Variants in OPN3 observed in about 807,000 individuals in gnomAD.
OPN3 encodes the protein opsin-3.
Under a neutral mutation model 33.8 loss-of-function variants are expected in OPN3, and 29 were observed. The ratio of observed to expected loss-of-function variants is 0.86; its 90% CI spans 0.64 to 1.17. OPN3 has a LOEUF of 1.17. Ranked by LOEUF, OPN3 falls within the 50% of genes most tolerant of loss-of-function variation. The probability of loss-of-function intolerance (pLI) is 0.00; values close to 1 mark genes in which losing one functional copy is unlikely to be tolerated. For synonymous variants in OPN3, 216 were observed against 216.1 expected, an observed-to-expected ratio of 1.00 and a Z score of 0.00; for missense variants, 437 against 514.1, an observed-to-expected ratio of 0.85 and a Z score of 1.45.
Position 241,608,658 on chromosome 1 carries a change from G to A in OPN3, c.374-4079C>T, listed in dbSNP as rs575957045. On this transcript the variant is annotated intron_variant, in intron 1 of 3. Transcript: ENST00000366554. The stretch of plus-strand genomic sequence containing the variant: ...TGATAAGTCAGGGTGCAAGAGGTTA[G>A]TAACACTTTCCTTCTGGTTATTTTG... Among the ~76,000 whole-genome samples the A allele has an allele frequency of 2.0e-5, 3 of 152,364 alleles. 1 individual carries two copies. The highest frequency in any genetic ancestry group is 7.2e-5 in the African/African-American group (3 of 41,590).
In OPN3 at chr1:241,634,560, G is replaced by A. The variant is rs762564140; in HGVS notation, c.373+5322C>T. 1.9e-5 allele frequency: 31 copies of A among 1,613,586 alleles called. No individual in the cohort carries two copies. The highest frequency in any genetic ancestry group is 4.0e-5 in the African/African-American group (3 of 74,838). ...ACTACAAAGCATTGTACTTTATGAC[G>A]AAGACAATAGATTCCACCAAAAACT... On this transcript the variant is annotated intron_variant, in intron 1 of 3. Transcript: ENST00000366554.
intron 1 of OPN3, chr1:241,631,251 C>T (rs768602812): frequency 8.6e-5 from 13 of 152,032 alleles, no homozygotes; most frequent in South Asian, 4.1e-4. Flanking sequence ...CCTTTATTTT[C>T]GACTAATTTT....
chr1:241,597,666 A>G (rs1663562423), intron 3 of OPN3, 80 bp downstream of exon 3: 3 of 1,370,150 alleles, frequency 2.2e-6, no homozygotes, highest in Middle Eastern at 2.1e-4. Flanking sequence ...GCGACTCTGA[A>G]TCACCTCTGT....
intron 3 of OPN3, among the ~76,000 whole-genome samples, chr1:241,597,204 G>C (rs1257993237): frequency 6.6e-6 from 1 of 152,102 alleles, no homozygotes; most frequent in Non-Finnish European, 1.5e-5. Context: ...CAGGCCAATT[G>C]CTACAAGTAT....
At position 241,604,183 on chromosome 1, in the gene OPN3, A is replaced by T; in HGVS notation, c.693+77T>A. On this transcript the variant is annotated intron_variant, in intron 2 of 3. Transcript: ENST00000366554. ...GGGCAACTACTGATGACATAGGAAG[A>T]CTTTCATTATTTTCCAGACAAAATT... 3.0e-6 allele frequency: 4 copies of T among 1,331,756 alleles called. No homozygotes were observed. The South Asian group carries it at 5.3e-5, about 18-fold the overall frequency. 82.5% of individuals were successfully genotyped at this position (1,331,756 alleles called of 1,614,324 possible). A position where few individuals can be genotyped will look rare whatever the true frequency, so the allele number is the denominator to read the frequency against.
At chr1:241,619,054 T>C (rs1664208410) in intron 1 of OPN3, among the ~76,000 whole-genome samples, 1 of 152,176 alleles carries the variant, frequency 6.6e-6, no homozygotes. Context: ...TTCAGTGCTA[T>C]GGTGCCTTTT....
Position 241,634,355 on chromosome 1 carries a change from T to A in OPN3, c.373+5527A>T, listed in dbSNP as rs1475840625. The A allele has an allele frequency of 3.7e-6, 6 of 1,613,894 alleles. No homozygotes were observed. In the Admixed American group the frequency reaches 1.0e-4, roughly 27 times the overall value. On this transcript the variant is annotated intron_variant, in intron 1 of 3. Transcript: ENST00000366554. The stretch of plus-strand genomic sequence containing the variant: ...AACTATCAGAATGGAAGTCTGCTGA[T>A]CTAAATCTGTCTTTAGTATAGACTG...
intron 1 of OPN3, among the ~76,000 whole-genome samples, chr1:241,619,969 T>C (rs766950998): frequency 6.6e-6 from 1 of 151,950 alleles, no homozygotes; most frequent in Non-Finnish European, 1.5e-5. Context: ...GAAAACGCAA[T>C]ATGAAAGAAC....
At chr1:241,613,557 TATC>T (rs1664050461) in intron 1 of OPN3, among the ~76,000 whole-genome samples, 1 of 152,214 alleles carries the variant, frequency 6.6e-6, no homozygotes, top group Non-Finnish European at 1.5e-5. Context: ...CTAACTTTGA[TATC>T]AGAAGAAGTC....
intron 2 of OPN3, among the ~76,000 whole-genome samples, chr1:241,603,747 G>A (rs973981696): frequency 3.9e-5 from 6 of 152,212 alleles, no homozygotes; most frequent in African/African-American, 1.2e-4. Flanking sequence ...GCCAAAGCTA[G>A]AGACTGGGAA....
chr1:241,596,048 C>T (rs1663499612), intron 3 of OPN3, among the ~76,000 whole-genome samples: 1 of 152,212 alleles, frequency 6.6e-6, no homozygotes, highest in East Asian at 1.9e-4. Flanking sequence ...GCTTGTTAGA[C>T]ATGCAGAATA....
rs928486660 is a variant in OPN3 at position 241,593,328 on chromosome 1, G to C, written c.*1100C>G. ...CACTTGATTTTTAAAAGCACATTTAGTGAAATGTTTTCTTTGGTTCATCCT... is the reference window on the plus strand; with the variant it reads ...CACTTGATTTTTAAAAGCACATTTACTGAAATGTTTTCTTTGGTTCATCCT... On this transcript the variant is annotated 3_prime_UTR_variant, in exon 4 of 4. Transcript: ENST00000366554. 2.4e-5 allele frequency: 10 copies of C among 419,152 alleles called. No homozygotes were observed. The highest frequency in any genetic ancestry group is 2.0e-4 in the African/African-American group (10 of 49,550). 26.0% of individuals were successfully genotyped at this position (419,152 alleles called of 1,614,324 possible). A position where few individuals can be genotyped will look rare whatever the true frequency, so the allele number is the denominator to read the frequency against.
chr1:241,622,896 T>C (rs1664306793), intron 1 of OPN3, among the ~76,000 whole-genome samples: 1 of 152,050 alleles, frequency 6.6e-6, no homozygotes, highest in South Asian at 2.1e-4. Context: ...GGCCGCATCA[T>C]CCAGAGGCCT....
At chr1:241,609,772 C>A (rs1408196215) in intron 1 of OPN3, among the ~76,000 whole-genome samples, 3 of 152,172 alleles carry the variant, frequency 2.0e-5, no homozygotes, top group African/African-American at 7.2e-5. Flanking sequence ...ATGAAATGGG[C>A]ATTTCTAGCT....
intron 1 of OPN3, among the ~76,000 whole-genome samples, chr1:241,606,936 T>A (rs1663848374): frequency 6.6e-6 from 1 of 152,156 alleles, no homozygotes; most frequent in Non-Finnish European, 1.5e-5. Flanking sequence ...AAATTGAAAA[T>A]CCCTTCATAT....
chr1:241,600,404 T>C (rs1294573934), intron 2 of OPN3: 1 of 152,204 alleles, frequency 6.6e-6, no homozygotes, highest in Non-Finnish European at 1.5e-5. Context: ...CATTTGAGGA[T>C]AGTTTTCAAA....
intron 1 of OPN3, among the ~76,000 whole-genome samples, chr1:241,611,438 G>T (rs1663990388): frequency 6.6e-6 from 1 of 151,164 alleles, no homozygotes; most frequent in South Asian, 2.1e-4. Flanking sequence ...TATTTTCTGT[G>T]GGAAGCAGGT....
intron 1 of OPN3, among the ~76,000 whole-genome samples, chr1:241,622,746 C>T (rs540888888): frequency 1.2e-4 from 18 of 152,364 alleles, no homozygotes; most frequent in African/African-American, 4.3e-4. Context: ...GCTTCTATAA[C>T]ACTTCTCTCT....
At chr1:241,594,918 A>G (rs1663453820) in intron 3 of OPN3, 2 of 495,412 alleles carry the variant, frequency 4.0e-6, no homozygotes, top group East Asian at 6.8e-5. Flanking sequence ...CCATTTCAAT[A>G]CCTTGTAATC....
Sources: gnomAD v4.1 joint callset for allele counts (sites outside exome capture counted in the v4.1 genomes callset) on GRCh38, gnomAD v4.1.1 for gene constraint, MANE v1.5 for transcripts, NCBI Gene and HGNC (gene_info 2026-07-23, HGNC 2026-07-21) for gene names.